DLGAP2: variants seen among roughly 807,000 people sequenced by gnomAD.
The protein encoded by DLGAP2 is DLG associated protein 2.
Under a neutral mutation model 100.3 loss-of-function variants are expected in DLGAP2, and 26 were observed. The ratio of observed to expected loss-of-function variants is 0.26; its 90% CI spans 0.19 to 0.36. The LOEUF (loss-of-function observed/expected upper bound fraction) is 0.36, where lower values mean the gene tolerates loss of function less well. DLGAP2 is among the 10% of genes least tolerant of loss of function. DLGAP2 has a pLI of 1.00. For synonymous variants in DLGAP2, 886 were observed against 630.1 expected (o/e 1.41, Z -6.08); for missense variants, 1,858 against 1,453.2 (o/e 1.28, Z -4.53).
At chr8:1,257,740 G>T (rs571811204) in intron 2 of DLGAP2, among the ~76,000 whole-genome samples, 1 of 152,132 alleles carries the variant, frequency 6.6e-6, no homozygotes, top group South Asian at 2.1e-4. Context: ...GTGCAGGCCA[G>T]CGCTGACGTG....
intron 2 of DLGAP2, among the ~76,000 whole-genome samples, chr8:1,049,859 CA>C (rs1802623532): frequency 6.9e-6 from 1 of 144,462 alleles, no homozygotes; most frequent in African/African-American, 2.5e-5. Context: ...GATATGTGCA[CA>C]CGCATTTACA....
At chr8:1,074,365 C>G (rs1426922977) in intron 2 of DLGAP2, among the ~76,000 whole-genome samples, 3 of 152,322 alleles carry the variant, frequency 2.0e-5, no homozygotes, top group African/African-American at 4.8e-5. Flanking sequence ...TCAGGATTCA[C>G]TGTCACAGAA....
At chr8:1,529,800 C>G (rs576946612) in intron 4 of DLGAP2, among the ~76,000 whole-genome samples, 56 of 152,248 alleles carry the variant, frequency 3.7e-4, no homozygotes, top group African/African-American at 1.3e-3. Flanking sequence ...AAGGGACAGA[C>G]TACAAAAGAG....
At chr8:1,170,066 T>TA (rs1797096364) in intron 2 of DLGAP2, among the ~76,000 whole-genome samples, 1 of 152,140 alleles carries the variant, frequency 6.6e-6, no homozygotes, top group South Asian at 2.1e-4. Context: ...CATCAATACC[T>TA]AATTTATTGA....
intron 3 of DLGAP2, among the ~76,000 whole-genome samples, chr8:1,333,810 C>T (rs962780141): frequency 2.0e-5 from 3 of 152,254 alleles, no homozygotes; most frequent in Admixed American, 6.5e-5. Context: ...GGTCCATCTC[C>T]ACCCGAACTT....
intron 1 of DLGAP2, among the ~76,000 whole-genome samples, chr8:768,669 C>T (rs1821277799): frequency 6.6e-6 from 1 of 151,864 alleles, no homozygotes; most frequent in Admixed American, 6.6e-5. Flanking sequence ...CATGATCTGC[C>T]CGCCTCGGCC....
At chr8:1,074,849 C>T (rs114528194) in intron 2 of DLGAP2, among the ~76,000 whole-genome samples, 4,722 of 152,298 alleles carry the variant, frequency 0.031, 234 homozygotes, top group African/African-American at 0.11. Context: ...GATCCGCAGC[C>T]TCCAAGAGGT....
At chr8:1,371,225 G>A (rs1004739759) in intron 3 of DLGAP2, among the ~76,000 whole-genome samples, 8 of 152,248 alleles carry the variant, frequency 5.3e-5, no homozygotes, top group African/African-American at 1.9e-4. Context: ...GCAGTCCTCA[G>A]ACAGGCATTG....
At chr8:924,709 A>C (rs113404796) in intron 2 of DLGAP2, among the ~76,000 whole-genome samples, 10,530 of 151,622 alleles carry the variant, frequency 0.069, 440 homozygotes, top group Admixed American at 0.12. Flanking sequence ...CAGCCTCCTG[A>C]GTAGCTGGGA....
chr8:1,197,364 G>T (rs533173791), intron 2 of DLGAP2, among the ~76,000 whole-genome samples: 7 of 152,352 alleles, frequency 4.6e-5, no homozygotes, highest in South Asian at 2.1e-4. Context: ...CTGAGCCCTT[G>T]TCTCAATACC....
At chr8:1,141,138 G>T (rs1319385352) in intron 2 of DLGAP2, among the ~76,000 whole-genome samples, 8 of 152,208 alleles carry the variant, frequency 5.3e-5, no homozygotes, top group Admixed American at 3.9e-4. Context: ...GGAAAAGGCA[G>T]CTTTCTCCTG....
At chr8:1,493,239 C>T (rs1262696665) in intron 3 of DLGAP2, among the ~76,000 whole-genome samples, 1 of 152,154 alleles carries the variant, frequency 6.6e-6, no homozygotes, top group Admixed American at 6.5e-5. Flanking sequence ...GGATGGAGCG[C>T]ATAGAGGGCT....
chr8:1,543,863 T>C (rs1224723242), intron 4 of DLGAP2, among the ~76,000 whole-genome samples: 2 of 152,174 alleles, frequency 1.3e-5, no homozygotes, highest in Non-Finnish European at 2.9e-5. Flanking sequence ...TCAGTAGCGA[T>C]GTTTTCTAGT....
At chr8:1,485,596 G>T (rs1214495507) in intron 3 of DLGAP2, among the ~76,000 whole-genome samples, 1 of 152,216 alleles carries the variant, frequency 6.6e-6, no homozygotes, top group Non-Finnish European at 1.5e-5. Flanking sequence ...CCCGTTCTTG[G>T]TTCACTGAAG....
At chr8:1,380,278 G>A (rs930513959) in intron 3 of DLGAP2, 3 of 152,160 alleles carry the variant, frequency 2.0e-5, no homozygotes, top group Non-Finnish European at 4.4e-5. Context: ...GTGCGTGTGG[G>A]GCTGCTGGCA....
At chr8:1,353,311 G>C (rs1432616975) in intron 3 of DLGAP2, among the ~76,000 whole-genome samples, 1 of 152,218 alleles carries the variant, frequency 6.6e-6, no homozygotes, top group Non-Finnish European at 1.5e-5. Flanking sequence ...AGTGCGATAA[G>C]ATTGTTTTAC....
chr8:972,669 G>A (rs1236464484), intron 2 of DLGAP2, among the ~76,000 whole-genome samples: 6 of 148,684 alleles, frequency 4.0e-5, no homozygotes, highest in South Asian at 2.1e-4. Flanking sequence ...TCTCGCAGAG[G>A]GGGATTTGGC....
intron 1 of DLGAP2, among the ~76,000 whole-genome samples, chr8:857,889 A>G (rs1336359010): frequency 6.9e-6 from 1 of 145,784 alleles, no homozygotes; most frequent in Admixed American, 6.8e-5. Flanking sequence ...TTTTTTTTTG[A>G]GACGGAGCCT....
intron 2 of DLGAP2, among the ~76,000 whole-genome samples, chr8:1,072,728 A>G (rs1031513495): frequency 1.3e-5 from 2 of 152,162 alleles, no homozygotes; most frequent in African/African-American, 4.8e-5. Context: ...AGCTGCACAC[A>G]GTGCTTACAC....
Sources: gnomAD v4.1 joint callset for allele counts (sites outside exome capture counted in the v4.1 genomes callset) on GRCh38, gnomAD v4.1.1 for gene constraint, MANE v1.5 for transcripts, NCBI Gene and HGNC (gene_info 2026-07-23, HGNC 2026-07-21) for gene names.